The following ZFYVE19 variants were observed in gnomAD, a reference collection of about 807,000 sequenced individuals.
ZFYVE19 encodes zinc finger FYVE-type containing 19.
In ZFYVE19, 49 loss-of-function variants were observed where a neutral mutation model predicts 62.8. The observed-to-expected ratio is 0.78, with a 90% CI of 0.62 to 0.99. The LOEUF (loss-of-function observed/expected upper bound fraction) is 0.99. Ranked by LOEUF, ZFYVE19 falls within the 50% of genes least tolerant of loss-of-function variation. The pLI is 0.00. For missense variants in ZFYVE19, 630 were observed against 601.9 expected, an observed-to-expected ratio of 1.05 and a Z score of -0.49; for synonymous variants, 242 against 234.3, an observed-to-expected ratio of 1.03 and a Z score of -0.30.
At position 40,813,760 on chromosome 15, in the gene ZFYVE19, T is replaced by C; in HGVS notation, c.1158T>C (p.Pro386=). ...SLDEASGFNI[P]AEQASRPWTQ... ...ATGAGGCAAGTGGCTTTAACATCCCTGCAGAGCAGGCTTCTCGACCCTGGA... is the reference window on the plus strand; with the variant it reads ...ATGAGGCAAGTGGCTTTAACATCCCCGCAGAGCAGGCTTCTCGACCCTGGA... The change falls in exon 9 of 11, where the codon CCT becomes CCC. Residue 386 remains proline (P), a synonymous_variant. Transcript: ENST00000355341. The C allele has an allele frequency of 1.2e-6, 2 of 1,614,130 alleles. No homozygotes were observed. The highest frequency in any genetic ancestry group is 2.2e-5 in the East Asian group (1 of 44,876).
chr15:40,814,199 T>C lies in ZFYVE19; in HGVS notation c.1389T>C (p.Ser463=). 6.2e-7 allele frequency: 1 copy of C among 1,614,118 alleles called. No homozygotes were observed. The highest frequency in any genetic ancestry group is 8.5e-7 in the Non-Finnish European group (1 of 1,180,022). ...AAGAGCACCAGACATCTGCCTACTC[T>C]CCTCCACGTGCAGGCCAAGAGCACT... ...ELKEHQTSAY[S]PPRAGQEH is the part of the protein sequence containing the mutation. Residue 463 remains serine (S), a synonymous_variant, in exon 11 of 11, where the codon TCT becomes TCC. Coordinates refer to ENST00000355341, the MANE Select transcript of ZFYVE19 (RefSeq NM_001077268.2).
intron 6 of ZFYVE19, among the ~76,000 whole-genome samples, chr15:40,811,835 G>A (rs1477838435): frequency 6.6e-6 from 1 of 152,202 alleles, no homozygotes; most frequent in Non-Finnish European, 1.5e-5. Context: ...TAAACCTAAA[G>A]CTGTGATTTT....
At position 40,814,194 on chromosome 15, in the gene ZFYVE19, T is replaced by C. The variant is rs1206211671; in HGVS notation, c.1384T>C (p.Tyr462His). 5 of 1,614,214 alleles carry C rather than the reference T, an allele frequency of 3.1e-6. No homozygotes were observed. The highest frequency in any genetic ancestry group is 4.2e-6 in the Non-Finnish European group (5 of 1,180,046). The change falls in exon 11 of 11, where the codon TAC becomes CAC. Residue 462 changes from tyrosine to histidine, a missense_variant. Coordinates refer to ENST00000355341, the MANE Select transcript of ZFYVE19 (RefSeq NM_001077268.2). ...GCTTAAAGAGCACCAGACATCTGCCTACTCTCCTCCACGTGCAGGCCAAGA... is the reference window on the plus strand; with the variant it reads ...GCTTAAAGAGCACCAGACATCTGCCCACTCTCCTCCACGTGCAGGCCAAGA... Reference protein sequence around the residue: ...FELKEHQTSAYSPPRAGQEH With the variant: ...FELKEHQTSAHSPPRAGQEH
In ZFYVE19 at chr15:40,814,482, C is replaced by G. The variant is rs1429130499; in HGVS notation, c.*256C>G. ...ATGATGGGGAGAGACCAGACTGAAT[C>G]TACGGGTGAGCCCTGTAACCTGGCT... On this transcript the variant is annotated 3_prime_UTR_variant, in exon 11 of 11. Coordinates refer to ENST00000355341, the MANE Select transcript of ZFYVE19 (RefSeq NM_001077268.2). 1.8e-6 allele frequency: 1 copy of G among 543,756 alleles called. No homozygotes were observed. The highest frequency in any genetic ancestry group is 1.9e-5 in the African/African-American group (1 of 52,554). The allele number at this position is 543,756 out of a possible 1,614,324, so 33.7% of individuals were successfully genotyped here.
At chr15:40,811,862 A>G (rs1890498499) in intron 6 of ZFYVE19, among the ~76,000 whole-genome samples, 1 of 152,238 alleles carries the variant, frequency 6.6e-6, no homozygotes, top group African/African-American at 2.4e-5. Context: ...CTTGCTCTGA[A>G]ACACTAAACT....
chr15:40,807,714 G>A lies in ZFYVE19; in HGVS notation c.125G>A (p.Gly42Glu). ...TVPVGVWGGA[G>E]QGREGRSWGE... ...CCAGTGGGCGTGTGGGGCGGGGCAG[G>A]GCAGGGAAGGGAAGGGCGGAGCTGG... The change falls in exon 1 of 11, where the codon GGG becomes GAG. Residue 42 changes from glycine (G) to glutamate (E), a missense_variant. Gly to Glu is a moderately conservative substitution (Grantham distance 98, BLOSUM62 -2). Transcript: ENST00000355341. The A allele has an allele frequency of 1.9e-6, 3 of 1,601,974 alleles. No individual in the cohort carries two copies. Among genetic ancestry groups the A allele is most frequent in the Non-Finnish European group, 2.6e-6 (3 of 1,175,538 alleles).
Position 40,807,149 on chromosome 15 carries a change from A to G in ZFYVE19, c.-441A>G. 1 of 1,169,284 alleles carries G rather than the reference A, an allele frequency of 8.6e-7. No homozygotes were observed. Among genetic ancestry groups the G allele is most frequent in the South Asian group, 1.6e-5 (1 of 63,110 alleles). The allele number at this position is 1,169,284 out of a possible 1,614,324, so 72.4% of individuals were successfully genotyped here. ...CAGGGGCCACGGGGAGAGCACAGCC[A>G]CCCGGCGCGAAGAGCCCTCTGTACC... On this transcript the variant is annotated 5_prime_UTR_variant, in exon 1 of 11. Coordinates refer to ENST00000355341, the MANE Select transcript of ZFYVE19 (RefSeq NM_001077268.2).
chr15:40,814,114 C>G, intron 10 of ZFYVE19, 34 bp from the exon 11 acceptor site: 1 of 1,614,190 alleles, frequency 6.2e-7, no homozygotes. Context: ...CAAGGGCTGC[C>G]TGGATCCCTG....
chr15:40,807,855 T>G lies in ZFYVE19; in HGVS notation c.266T>G (p.Leu89Arg). ...TACGGCTGCGCTGTCAAGTTCACCC[T>G]CTTCAAGAAGGAGGCGAGTCTTCCC... The part of the protein sequence containing the change: ...RCYGCAVKFT[L>R]FKKEYGCKNC... The change falls in exon 1 of 11, where the codon CTC becomes CGC. Residue 89 changes from leucine (L) to arginine (R), a missense_variant. By Grantham distance (102) the Leu-to-Arg change is moderately radical. Transcript: ENST00000355341. 1 of 1,534,428 alleles carries G rather than the reference T, an allele frequency of 6.5e-7. No individual in the cohort carries two copies. The highest frequency in any genetic ancestry group is 8.7e-7 in the Non-Finnish European group (1 of 1,148,530).
intron 6 of ZFYVE19, chr15:40,811,010 A>T: frequency 4.6e-6 from 2 of 438,278 alleles, no homozygotes. Flanking sequence ...AAGTTACTTG[A>T]CCTAAGTCTC....
chr15:40,808,906 T>G, intron 1 of ZFYVE19: 1 of 554,530 alleles, frequency 1.8e-6, no homozygotes. Flanking sequence ...CATGGGAATT[T>G]TGTATAAACC....
chr15:40,813,435 A>G lies in ZFYVE19; in HGVS notation c.1110+18A>G. 1 of 1,583,706 alleles carries G rather than the reference A, an allele frequency of 6.3e-7. No homozygotes were observed. Among genetic ancestry groups the G allele is most frequent in the Non-Finnish European group, 8.6e-7 (1 of 1,165,098 alleles). On this transcript the variant is annotated intron_variant, in intron 8 of 10. Transcript: ENST00000355341. ...TGCAGCAGGTGGGCCTGGATTACCC[A>G]CCTGCCACCCCTTGTCCCGTCTCCG...
chr15:40,808,884 C>G, intron 1 of ZFYVE19: 1 of 477,132 alleles, frequency 2.1e-6, no homozygotes, highest in Non-Finnish European at 3.8e-6. Flanking sequence ...GAATTGAAGA[C>G]AGGGTAGAAA....
intron 5 of ZFYVE19, 102 bp from the exon 6 acceptor site, chr15:40,810,547 C>G (rs76617267): frequency 0.02 from 30,460 of 1,495,850 alleles, 1,003 homozygotes; most frequent in African/African-American, 0.15. Flanking sequence ...CCCTGGATCC[C>G]TCTCCTTTCC....
At chr15:40,808,529 T>G (rs1416929167) in intron 1 of ZFYVE19, 1 of 1,192,210 alleles carries the variant, frequency 8.4e-7, no homozygotes, top group Non-Finnish European at 1.1e-6. Context: ...CTCTGCTGTC[T>G]TATTGAGGCG....
chr15:40,812,647 G>C (rs1261915953), intron 6 of ZFYVE19, 52 bp from the exon 7 acceptor site: 13 of 1,465,942 alleles, frequency 8.9e-6, no homozygotes, highest in Non-Finnish European at 1.1e-5. Flanking sequence ...ATTGGCTTCT[G>C]AGGAGAGATA....
chr15:40,810,044 A>T, intron 4 of ZFYVE19, 27 bp from the exon 5 acceptor site: 1 of 1,614,178 alleles, frequency 6.2e-7, no homozygotes, highest in Non-Finnish European at 8.5e-7. Context: ...TCTGGCCCTT[A>T]CAAGGCTCCC....
chr15:40,812,558 AAAGAAAGAAAG>A, intron 6 of ZFYVE19, 130 bp from the exon 7 acceptor site: 2 of 388,646 alleles, frequency 5.1e-6, no homozygotes. Flanking sequence ...AAAAAAAAAA[AAAGAAAGAAAG>A]AAAGAAAGAA....
At chr15:40,812,977 G>C (rs1268012248) in intron 7 of ZFYVE19, 75 bp downstream of exon 7, 1 of 1,534,052 alleles carries the variant, frequency 6.5e-7, no homozygotes, top group South Asian at 1.1e-5. Flanking sequence ...TCAGGTGCTG[G>C]GGGTATTTGC....
Sources: allele counts gnomAD v4.1 joint callset (sites outside exome capture counted in the v4.1 genomes callset), GRCh38; gene constraint gnomAD v4.1.1; transcripts MANE v1.5; gene names NCBI Gene and HGNC (gene_info 2026-07-23, HGNC 2026-07-21).